The following SPECC1 variants were observed in gnomAD, a reference collection of about 807,000 sequenced individuals.
SPECC1 encodes the protein cytospin-B.
In SPECC1, 62 loss-of-function variants were observed where a neutral mutation model predicts 104.1. The ratio of observed to expected loss-of-function variants is 0.60; its 90% CI spans 0.49 to 0.74. The LOEUF (loss-of-function observed/expected upper bound fraction) is 0.74. Among genes scored for constraint, SPECC1 ranks in the 30% least tolerant of loss-of-function variants. The pLI is 0.00. For missense variants in SPECC1, 1,306 were observed against 1,310.5 expected (o/e 1.00, Z 0.05); for synonymous variants, 513 against 501.6 (o/e 1.02, Z -0.30).
At chr17:20,131,734 C>T (rs2049647900) in intron 3 of SPECC1, among the ~76,000 whole-genome samples, 1 of 150,634 alleles carries the variant, frequency 6.6e-6, no homozygotes, top group Admixed American at 6.6e-5. Context: ...ACTGCAACCT[C>T]TGCCTCCCGA....
chr17:20,189,121 A>C (rs1351234892), intron 3 of SPECC1, among the ~76,000 whole-genome samples: 1 of 152,016 alleles, frequency 6.6e-6, no homozygotes, highest in East Asian at 1.9e-4. Flanking sequence ...AGCTTTTCCC[A>C]TCTGTCCTGA....
At chr17:20,307,837 ATTC>A (rs2041812442) in intron 14 of SPECC1, among the ~76,000 whole-genome samples, 1 of 152,230 alleles carries the variant, frequency 6.6e-6, no homozygotes. Context: ...GAGTCCACAG[ATTC>A]TTTATTTATC....
At chr17:20,052,993 C>T (rs1484417160) in intron 1 of SPECC1, among the ~76,000 whole-genome samples, 1 of 152,170 alleles carries the variant, frequency 6.6e-6, no homozygotes, top group Non-Finnish European at 1.5e-5. Flanking sequence ...ATCCCTCAAA[C>T]AAAGAAGTGT....
chr17:20,065,089 C>T (rs2046313960), intron 1 of SPECC1, among the ~76,000 whole-genome samples: 1 of 150,472 alleles, frequency 6.6e-6, no homozygotes, highest in Non-Finnish European at 1.5e-5. Flanking sequence ...TAATCATGAT[C>T]TAACCCACCT....
At chr17:20,310,576 G>A (rs2041903204) in intron 14 of SPECC1, among the ~76,000 whole-genome samples, 1 of 152,218 alleles carries the variant, frequency 6.6e-6, no homozygotes, top group Non-Finnish European at 1.5e-5. Flanking sequence ...GGAATTAGGC[G>A]AGGGACGATA....
chr17:20,157,138 G>T (rs959899107), intron 3 of SPECC1, among the ~76,000 whole-genome samples: 3 of 152,186 alleles, frequency 2.0e-5, no homozygotes, highest in African/African-American at 7.2e-5. Context: ...TTCCGGAGCT[G>T]GGTGCCGTGC....
chr17:20,021,921 TTTA>T (rs2044405220), intron 1 of SPECC1, among the ~76,000 whole-genome samples: 2 of 148,524 alleles, frequency 1.3e-5, no homozygotes, highest in African/African-American at 4.9e-5. Context: ...TTATTTACTA[TTTA>T]TTATTATTAT....
chr17:20,309,605 GA>G (rs764034448), intron 14 of SPECC1, among the ~76,000 whole-genome samples: 5 of 151,698 alleles, frequency 3.3e-5, no homozygotes, highest in Non-Finnish European at 5.9e-5. Context: ...TTATGTCCAT[GA>G]CTACCCAATG....
chr17:20,280,669 A>T (rs1393501609), intron 12 of SPECC1, among the ~76,000 whole-genome samples: 1 of 152,220 alleles, frequency 6.6e-6, no homozygotes, highest in Non-Finnish European at 1.5e-5. Flanking sequence ...CACTTAAAAG[A>T]TTCCTAATGT....
At chr17:20,242,114 C>A (rs568700820) in intron 7 of SPECC1, among the ~76,000 whole-genome samples, 1 of 152,270 alleles carries the variant, frequency 6.6e-6, no homozygotes, top group African/African-American at 2.4e-5. Flanking sequence ...ACAACACTAC[C>A]CAAATGGAGT....
In SPECC1 at chr17:20,207,977, T is replaced by G. The variant is rs182936449; in HGVS notation, c.1863+2065T>G. Among the ~76,000 whole-genome samples the G allele has an allele frequency of 1.9e-4, 29 of 152,370 alleles. 1 individual carries two copies. In the East Asian group the frequency reaches 5.4e-3, roughly 28 times the overall value. ...TTCTTGACTAAAATTCTTTGTTCAT[T>G]TAACTTTTTTTTATCCTTGGTTGAT... is the stretch of plus-strand genomic sequence containing the variant. On this transcript the variant is annotated intron_variant, in intron 4 of 14. Coordinates refer to ENST00000395527, the MANE Select transcript of SPECC1 (RefSeq NM_001243439.2).
At chr17:20,156,048 G>C in intron 3 of SPECC1, 2 of 1,282,882 alleles carry the variant, frequency 1.6e-6, no homozygotes, top group Non-Finnish European at 2.0e-6. Flanking sequence ...GCCGGCAGCT[G>C]CTGGGAACTG....
chr17:20,315,387 A>C lies in SPECC1; in HGVS notation c.*1322A>C. The C allele has an allele frequency of 4.3e-6, 1 of 232,948 alleles. No individual in the cohort carries two copies. Among genetic ancestry groups the C allele is most frequent in the Non-Finnish European group, 8.5e-6 (1 of 117,846 alleles). 14.4% of individuals were successfully genotyped at this position (232,948 alleles called of 1,614,324 possible). On this transcript the variant is annotated 3_prime_UTR_variant, in exon 15 of 15. Coordinates refer to ENST00000395527, the MANE Select transcript of SPECC1 (RefSeq NM_001243439.2). ...GTGCCCCAGTCCCTCAGAAGTGCTC[A>C]GTCCGGCCCGAGTGCCCATCTGGTG...
At chr17:20,036,619 A>G (rs921967719) in intron 1 of SPECC1, among the ~76,000 whole-genome samples, 1 of 152,198 alleles carries the variant, frequency 6.6e-6, no homozygotes, top group Non-Finnish European at 1.5e-5. Flanking sequence ...AAGTATAGTT[A>G]CCATGTTGTG....
At chr17:20,158,780 A>G (rs2032852261) in intron 3 of SPECC1, among the ~76,000 whole-genome samples, 1 of 152,024 alleles carries the variant, frequency 6.6e-6, no homozygotes. Context: ...TTGTTTTTTG[A>G]GACAAGGTCT....
In SPECC1 at chr17:20,189,342, G is replaced by A. The variant is rs147903560; in HGVS notation, c.284-14991G>A. On this transcript the variant is annotated intron_variant, in intron 3 of 14. Coordinates refer to ENST00000395527, the MANE Select transcript of SPECC1 (RefSeq NM_001243439.2). Reference sequence around the variant, plus strand: ...ACACAATGGGCAAGGAAGCTAAGGCGCAGTATGCAGAGAGAATTCTGGGAC... The same window carrying A: ...ACACAATGGGCAAGGAAGCTAAGGCACAGTATGCAGAGAGAATTCTGGGAC... 6.8e-3 allele frequency among the ~76,000 whole-genome samples: 1,030 copies of A among 152,264 alleles called. 11 individuals carry two copies. Among genetic ancestry groups the A allele is most frequent in the African/African-American group, 0.024 (981 of 41,546 alleles).
At chr17:20,305,205 G>A (rs1481597515) in intron 13 of SPECC1, among the ~76,000 whole-genome samples, 2 of 152,028 alleles carry the variant, frequency 1.3e-5, no homozygotes, top group East Asian at 1.9e-4. Flanking sequence ...GTCAGAGAGC[G>A]CCGAGGACTT....
chr17:20,205,348 A>G lies in SPECC1; in HGVS notation c.1299A>G (p.Ala433=). 1 of 1,613,998 alleles carries G rather than the reference A, an allele frequency of 6.2e-7. No homozygotes were observed. Among genetic ancestry groups the G allele is most frequent in the South Asian group, 1.1e-5 (1 of 91,026 alleles). The part of the protein sequence containing the change: ...ETSFHQHRER[A]EQLSQENEKL... ...CCTTTCATCAGCATCGAGAGAGGGC[A>G]GAGCAGCTAAGTCAAGAAAATGAGA... The change falls in exon 4 of 15, where the codon GCA becomes GCG. Residue 433 remains alanine (A), a synonymous_variant. Coordinates refer to ENST00000395527, the MANE Select transcript of SPECC1 (RefSeq NM_001243439.2).
chr17:20,294,847 A>T (rs11654025), intron 12 of SPECC1, among the ~76,000 whole-genome samples: 102,368 of 151,906 alleles, frequency 0.67, 35,420 homozygotes, highest in East Asian at 0.9. Context: ...GATGGACAGA[A>T]ATCCTCTACT....
Sources: allele counts gnomAD v4.1 joint callset (sites outside exome capture counted in the v4.1 genomes callset), GRCh38; gene constraint gnomAD v4.1.1; transcripts MANE v1.5; gene names NCBI Gene and HGNC (gene_info 2026-07-23, HGNC 2026-07-21).